Variants in PCCB observed in about 807,000 individuals in gnomAD.
PCCB encodes the protein propionyl-CoA carboxylase beta chain, mitochondrial.
PCCB carries 43 observed loss-of-function variants against 60.7 expected under a neutral mutation model. The ratio of observed to expected loss-of-function variants is 0.71; its 90% CI spans 0.55 to 0.91. The LOEUF (loss-of-function observed/expected upper bound fraction) is 0.91. Ranked by LOEUF, PCCB falls within the 40% of genes least tolerant of loss-of-function variation. PCCB has a pLI of 0.00. For missense variants in PCCB, 766 were observed against 702.8 expected (o/e 1.09, Z -1.02); for synonymous variants, 276 against 255.9 (o/e 1.08, Z -0.75).
intron 9 of PCCB, among the ~76,000 whole-genome samples, chr3:136,311,491 C>T (rs368959225): frequency 2.0e-5 from 3 of 152,096 alleles, no homozygotes; most frequent in South Asian, 4.1e-4. Flanking sequence ...CATGCATCAC[C>T]ACACACACCT....
chr3:136,316,362 C>T (rs573357310), intron 9 of PCCB, among the ~76,000 whole-genome samples: 1 of 152,060 alleles, frequency 6.6e-6, no homozygotes, highest in Non-Finnish European at 1.5e-5. Flanking sequence ...GTTGCCCAGG[C>T]TAGAGTGCAG....
At chr3:136,268,092 A>G (rs1225518959) in intron 5 of PCCB, among the ~76,000 whole-genome samples, 838 of 54,430 alleles carry the variant, frequency 0.015, 21 homozygotes, top group South Asian at 0.037. Flanking sequence ...GTGTAGATAT[A>G]TATATATATA....
chr3:136,294,957 T>C (rs1320031178), intron 7 of PCCB, among the ~76,000 whole-genome samples: 1 of 152,178 alleles, frequency 6.6e-6, no homozygotes, highest in African/African-American at 2.4e-5. Flanking sequence ...AAGTTTAAAA[T>C]GTATAAAGAT....
chr3:136,258,073 AC>A (rs1424028515), intron 3 of PCCB, among the ~76,000 whole-genome samples: 1 of 136,066 alleles, frequency 7.3e-6, no homozygotes, highest in Non-Finnish European at 1.7e-5. Context: ...AGAAGGAATC[AC>A]ATTTGTTTTG....
At chr3:136,315,678 ATT>A (rs35871807) in intron 9 of PCCB, among the ~76,000 whole-genome samples, 1 of 146,996 alleles carries the variant, frequency 6.8e-6, no homozygotes, top group African/African-American at 2.5e-5. Flanking sequence ...AAAAAATATA[ATT>A]TTTTTTTTTT....
intron 10 of PCCB, among the ~76,000 whole-genome samples, chr3:136,324,340 GTC>G (rs1289290132): frequency 1.3e-5 from 2 of 152,168 alleles, no homozygotes; most frequent in Admixed American, 6.5e-5. Flanking sequence ...TCTTGAAATT[GTC>G]TCTGTGTTGG....
At chr3:136,316,315 TTTTA>T (rs1486388161) in intron 9 of PCCB, among the ~76,000 whole-genome samples, 2 of 152,018 alleles carry the variant, frequency 1.3e-5, no homozygotes, top group Admixed American at 6.6e-5. Context: ...AATTTTTTAT[TTTTA>T]TTTATTTATT....
In PCCB at chr3:136,307,049, C is replaced by T. The variant is rs939442279; in HGVS notation, c.966+5938C>T. Among the ~76,000 whole-genome samples, 2 of 122,404 alleles carry T rather than the reference C, an allele frequency of 1.6e-5. 1 individual carries two copies. The highest frequency in any genetic ancestry group is 2.0e-4 in the Admixed American group (2 of 10,230). The allele number at this position is 122,404 out of a possible 152,430, so 80.3% of individuals were successfully genotyped here. ...ATGGCATCCAACTTCTCCAAAGCAA[C>T]GTAGAAAAGCAAGGAAACAACAGAA... On this transcript the variant is annotated intron_variant, in intron 9 of 14. Coordinates refer to ENST00000251654, the MANE Select transcript of PCCB (RefSeq NM_000532.5).
rs770673940 is a variant in PCCB, at chr3:136,261,868, C to G, written c.430-84C>G. 7.1e-5 allele frequency: 67 copies of G among 948,558 alleles called. 1 individual carries two copies. The African/African-American group carries it at 1.0e-3, about 15-fold the overall frequency. 58.8% of individuals were successfully genotyped at this position (948,558 alleles called of 1,614,324 possible). The stretch of plus-strand genomic sequence containing the variant: ...TTGAAAAGTGCACTCAGAACGTTTT[C>G]CAGAAAACACTGTGGTATTTTGTGA... On this transcript the variant is annotated intron_variant, in intron 4 of 14. Transcript: ENST00000251654.
intron 1 of PCCB, among the ~76,000 whole-genome samples, chr3:136,252,908 GTT>G (rs57859572): frequency 3.6e-4 from 46 of 127,770 alleles, no homozygotes; most frequent in Admixed American, 7.6e-4. Context: ...TTTTTGTTTT[GTT>G]TTTTTTTTTT....
At chr3:136,256,173 C>G in intron 2 of PCCB, 198 bp downstream of exon 2, 1 of 717,328 alleles carries the variant, frequency 1.4e-6, no homozygotes. Flanking sequence ...GAACTCCTGG[C>G]TTCAAGCAAT....
chr3:136,299,837 T>G (rs2108206154), intron 8 of PCCB, among the ~76,000 whole-genome samples: 1 of 152,004 alleles, frequency 6.6e-6, no homozygotes, highest in Non-Finnish European at 1.5e-5. Context: ...TGTATATGCA[T>G]GTGTATGTAT....
intron 5 of PCCB, among the ~76,000 whole-genome samples, chr3:136,264,402 G>A (rs376379185): frequency 9.1e-5 from 13 of 142,228 alleles, no homozygotes; most frequent in East Asian, 7.7e-4. Context: ...GCGCGCTCTC[G>A]CTCTTTCTGT....
chr3:136,260,936 A>G (rs555116654), intron 4 of PCCB, among the ~76,000 whole-genome samples: 95 of 152,316 alleles, frequency 6.2e-4, no homozygotes, highest in African/African-American at 2.2e-3. Context: ...ATAGGACGTA[A>G]AAATATCTGT....
chr3:136,312,353 C>T (rs1345568996), intron 9 of PCCB, among the ~76,000 whole-genome samples: 2 of 152,106 alleles, frequency 1.3e-5, no homozygotes, highest in Non-Finnish European at 2.9e-5. Context: ...AGTTGTAACA[C>T]AATGGTAAGT....
At chr3:136,283,747 A>G (rs1046803899) in intron 5 of PCCB, 90 bp from the exon 6 acceptor site, 1 of 944,138 alleles carries the variant, frequency 1.1e-6, no homozygotes, top group Non-Finnish European at 1.7e-6. Flanking sequence ...GAAAAAAGCC[A>G]AATGTTATCT....
Position 136,255,962 on chromosome 3 carries a change from C to T in PCCB, c.290C>T (p.Ala97Val), listed in dbSNP as rs1273281484. 1 of 1,614,012 alleles carries T rather than the reference C, an allele frequency of 6.2e-7. No individual in the cohort carries two copies. The highest frequency in any genetic ancestry group is 8.5e-7 in the Non-Finnish European group (1 of 1,179,970). The part of the protein sequence containing the change: ...EHRCADFGMA[A>V]DKNKFPGDSV... ...AGATGTGCAGATTTTGGAATGGCTGCTGATAAGAATAAGGTATTTGTTCAA... is the reference window on the plus strand; with the variant it reads ...AGATGTGCAGATTTTGGAATGGCTGTTGATAAGAATAAGGTATTTGTTCAA... The change falls in exon 2 of 15, where the codon GCT becomes GTT. Residue 97 changes from alanine to valine, a missense_variant. Ala to Val is a moderately conservative substitution (Grantham distance 64). Transcript: ENST00000251654.
intron 1 of PCCB, among the ~76,000 whole-genome samples, chr3:136,252,903 G>GTTTTT (rs1355883784): frequency 1.4e-5 from 1 of 72,620 alleles, no homozygotes; most frequent in African/African-American, 4.5e-5. Flanking sequence ...CCTGTTTTTT[G>GTTTTT]TTTTGTTTTT....
intron 9 of PCCB, among the ~76,000 whole-genome samples, chr3:136,304,390 AT>A (rs566146533): frequency 4.4e-5 from 5 of 113,680 alleles, no homozygotes; most frequent in African/African-American, 2.6e-5. Context: ...TTATTTATTT[AT>A]TTTTTTTTGA....
Sources: gnomAD v4.1 joint callset for allele counts (sites outside exome capture counted in the v4.1 genomes callset) on GRCh38, gnomAD v4.1.1 for gene constraint, MANE v1.5 for transcripts, NCBI Gene and HGNC (gene_info 2026-07-23, HGNC 2026-07-21) for gene names.